Variants in JCAD observed in about 807,000 individuals in gnomAD.
JCAD encodes junctional cadherin 5-associated protein.
Under a neutral mutation model 98.0 loss-of-function variants are expected in JCAD, and 40 were observed. The observed-to-expected ratio is 0.41, with a 90% CI of 0.32 to 0.53. JCAD has a LOEUF of 0.53. Ranked by LOEUF, JCAD falls within the 20% of genes least tolerant of loss-of-function variation. The pLI, the probability that JCAD is intolerant of heterozygous loss-of-function variation, is 0.31. For synonymous variants in JCAD, 691 were observed against 682.3 expected, an observed-to-expected ratio of 1.01 and a Z score of -0.20; for missense variants, 1,705 against 1,738.1, an observed-to-expected ratio of 0.98 and a Z score of 0.34.
At chr10:30,093,994 A>G (rs1035314098) in intron 1 of JCAD, among the ~76,000 whole-genome samples, 2 of 152,214 alleles carry the variant, frequency 1.3e-5, no homozygotes, top group African/African-American at 2.4e-5. Flanking sequence ...TCTTTGTTAC[A>G]TAACACTTTG....
intron 2 of JCAD, among the ~76,000 whole-genome samples, chr10:30,039,192 A>T (rs1007134067): frequency 2.0e-5 from 3 of 152,204 alleles, no homozygotes; most frequent in African/African-American, 7.2e-5. Flanking sequence ...CCACTGATAG[A>T]GGACCCTGTC....
intron 2 of JCAD, among the ~76,000 whole-genome samples, chr10:30,040,387 T>C (rs1169983020): frequency 2.6e-5 from 4 of 152,224 alleles, no homozygotes; most frequent in Admixed American, 2.6e-4. Context: ...AGTATTTTCA[T>C]ATTTTCTCTT....
At chr10:30,024,688 A>ATTTTTTT (rs35394945) in intron 3 of JCAD, among the ~76,000 whole-genome samples, 1 of 100,664 alleles carries the variant, frequency 9.9e-6, no homozygotes, top group Non-Finnish European at 1.8e-5. Context: ...GCCCATGTAC[A>ATTTTTTT]TTTTTTTTTT....
upstream of JCAD, among the ~76,000 whole-genome samples, chr10:30,061,206 A>AGAT (rs1366739519): frequency 2.0e-5 from 3 of 152,206 alleles, no homozygotes; most frequent in African/African-American, 7.2e-5. Flanking sequence ...GAATTCAATG[A>AGAT]GATGATGCCT....
intron 1 of JCAD, among the ~76,000 whole-genome samples, chr10:30,071,367 G>A (rs1837887074): frequency 6.6e-6 from 1 of 152,122 alleles, no homozygotes; most frequent in African/African-American, 2.4e-5. Context: ...CTAGCATGTG[G>A]GAAACCTCTG....
intron 2 of JCAD, among the ~76,000 whole-genome samples, chr10:30,040,681 G>C (rs999520499): frequency 3.3e-5 from 5 of 152,216 alleles, no homozygotes; most frequent in Non-Finnish European, 5.9e-5. Flanking sequence ...CTGCAGCTGG[G>C]TCTCTGGTGA....
At position 30,026,020 on chromosome 10, in the gene JCAD, C is replaced by T. The variant is rs138900862; in HGVS notation, c.4045+83G>A. 96 of 1,493,896 alleles carry T rather than the reference C, an allele frequency of 6.4e-5. No homozygotes were observed. In the African/African-American group the frequency reaches 1.1e-3, roughly 17 times the overall value. 92.5% of individuals were successfully genotyped at this position (1,493,896 alleles called of 1,614,324 possible). On this transcript the variant is annotated intron_variant, in intron 3 of 3. Coordinates refer to ENST00000375377, the MANE Select transcript of JCAD (RefSeq NM_020848.4). ...GATCTTTTCTGAATATGCAGATTTA[C>T]ATTATCCACCAACCTGGTATTTTGT...
At chr10:30,025,542 G>GGGGAC (rs1836771280) in intron 3 of JCAD, among the ~76,000 whole-genome samples, 1 of 68,428 alleles carries the variant, frequency 1.5e-5, no homozygotes, top group African/African-American at 4.2e-5. Flanking sequence ...GGGAAGGGGA[G>GGGGAC]GGGAGGGGAG....
At chr10:30,096,306 C>T (rs1838367833) in intron 1 of JCAD, among the ~76,000 whole-genome samples, 1 of 152,210 alleles carries the variant, frequency 6.6e-6, no homozygotes. Flanking sequence ...CACCACCAAC[C>T]CCACTGCCCT....
Position 30,018,035 on chromosome 10 carries a change from T to A in JCAD, c.4046-118A>T, listed in dbSNP as rs1325963584. 4.2e-6 allele frequency: 3 copies of A among 708,270 alleles called. No homozygotes were observed. The African/African-American group carries it at 5.5e-5, about 13-fold the overall frequency. The allele number at this position is 708,270 out of a possible 1,614,324, so 43.9% of individuals were successfully genotyped here. A position where few individuals can be genotyped will look rare whatever the true frequency, so the allele number is the denominator to read the frequency against. Reference sequence around the variant, plus strand: ...AAATCTACAAGTGTATAAAGGTTAATTTTTAGACATTTTAACAATCATGTT... The same window carrying A: ...AAATCTACAAGTGTATAAAGGTTAAATTTTAGACATTTTAACAATCATGTT... On this transcript the variant is annotated intron_variant, in intron 3 of 3. Coordinates refer to ENST00000375377, the MANE Select transcript of JCAD (RefSeq NM_020848.4).
At chr10:30,044,841 T>G (rs1837304733) in intron 2 of JCAD, 1 of 906,074 alleles carries the variant, frequency 1.1e-6, no homozygotes, top group Non-Finnish European at 1.3e-6. Context: ...AAAAAAAAAG[T>G]CTTTCATTTC....
chr10:30,047,049 T>C (rs1837351374), intron 2 of JCAD, among the ~76,000 whole-genome samples: 1 of 152,134 alleles, frequency 6.6e-6, no homozygotes, highest in African/African-American at 2.4e-5. Context: ...ACTGCACCAC[T>C]GCACTCCAGC....
At chr10:30,033,365 C>T (rs897300526) in intron 2 of JCAD, among the ~76,000 whole-genome samples, 25 of 152,148 alleles carry the variant, frequency 1.6e-4, no homozygotes, top group Admixed American at 1.4e-3. Context: ...TTCACAAACA[C>T]GTGATGTAGG....
At chr10:30,077,342 T>C (rs965062061) in intron 1 of JCAD, among the ~76,000 whole-genome samples, 1 of 152,138 alleles carries the variant, frequency 6.6e-6, no homozygotes. Flanking sequence ...AGTGGTACAA[T>C]CTCAGCTCAC....
intron 1 of JCAD, among the ~76,000 whole-genome samples, chr10:30,113,443 T>G (rs1838740185): frequency 7.0e-6 from 1 of 143,758 alleles, no homozygotes; most frequent in South Asian, 2.2e-4. Context: ...CCCAGCTACT[T>G]GGGAGGCTGA....
rs546939641 is a variant in JCAD, at chr10:30,108,841, T to C, written n.128+6526A>G. 4.0e-5 allele frequency among the ~76,000 whole-genome samples: 6 copies of C among 150,698 alleles called. No individual in the cohort carries two copies. In the East Asian group the frequency reaches 9.7e-4, roughly 24 times the overall value. On this transcript the variant is annotated intron_variant and non_coding_transcript_variant, in intron 1 of 2. Transcript: ENST00000465712. The stretch of plus-strand genomic sequence containing the variant: ...GTGAAATATAAGGGCCCCTTCTACG[T>C]GCTCAAGATTAAAAAAAAAAAAAAG...
Position 30,026,695 on chromosome 10 carries a change from G to A in JCAD, c.3453C>T (p.Cys1151=), listed in dbSNP as rs779780305. The change falls in exon 3 of 4, where the codon TGC becomes TGT. Residue 1151 remains cysteine (C), a synonymous_variant. Transcript: ENST00000375377. The part of the protein sequence containing the change: ...STDAFYGRRK[C]GWTKSPLFVG... ...CAAAGAGAGGGCTCTTGGTCCAGCC[G>A]CACTTCCTCCTGCCATAAAAGGCAT... The A allele has an allele frequency of 5.6e-5, 91 of 1,613,476 alleles. No homozygotes were observed. Among genetic ancestry groups the A allele is most frequent in the South Asian group, 2.3e-4 (21 of 91,062 alleles).
chr10:30,029,615 G>C lies in JCAD; in HGVS notation c.533C>G (p.Pro178Arg), dbSNP rs1310053162. The change falls in exon 3 of 4, where the codon CCT becomes CGT. Residue 178 changes from proline (P) to arginine (R), a missense_variant. Physicochemically the swap from Pro to Arg is moderately radical, Grantham distance 103. Around this residue, in one of 3 missense-constraint regions of JCAD, gnomAD observed 275 missense variants for 346.9 expected, o/e 0.79. Transcript: ENST00000375377. ...CAGGCTGACGTTCTGCCACTTGGCA[G>C]GACCTGACATTCGCAATTCTTCTTC... is the stretch of plus-strand genomic sequence containing the variant. Reference protein sequence around the residue: ...VWEEELRMSGPAKWQNVSLES... With the variant: ...VWEEELRMSGRAKWQNVSLES... The C allele has an allele frequency of 3.7e-6, 6 of 1,614,258 alleles. No homozygotes were observed.
rs993576172 is a variant in JCAD, at chr10:30,014,808, C to G, written c.*3075G>C. ...CTTCACCAACAGTAAAATGGGGCAG[C>G]AAAAGTTCTACTTAGAATTTCCACG... On this transcript the variant is annotated 3_prime_UTR_variant, in exon 4 of 4. Coordinates refer to ENST00000375377, the MANE Select transcript of JCAD (RefSeq NM_020848.4). 3 of 152,170 alleles carry G rather than the reference C, an allele frequency of 2.0e-5. No homozygotes were observed. The highest frequency in any genetic ancestry group is 7.2e-5 in the African/African-American group (3 of 41,430). The allele number at this position is 152,170 out of a possible 1,614,324, so 9.4% of individuals were successfully genotyped here. A position where few individuals can be genotyped will look rare whatever the true frequency, so the allele number is the denominator to read the frequency against.
Sources: allele counts gnomAD v4.1 joint callset (sites outside exome capture counted in the v4.1 genomes callset), GRCh38; gene constraint gnomAD v4.1.1; regional missense constraint gnomAD v4.1.1; transcripts MANE v1.5; gene names NCBI Gene and HGNC (gene_info 2026-07-23, HGNC 2026-07-21).